Variants in KIRREL1 observed in about 807,000 individuals in gnomAD.
KIRREL1 encodes the protein kin of IRRE-like protein 1.
KIRREL1 carries 25 observed loss-of-function variants against 83.3 expected under a neutral mutation model. That is an observed-to-expected ratio of 0.30 (90% CI 0.22 to 0.42). The LOEUF (loss-of-function observed/expected upper bound fraction) is 0.42, where lower values mean the gene tolerates loss of function less well. KIRREL1 is among the 10% of genes least tolerant of loss of function. The pLI, the probability that KIRREL1 is intolerant of heterozygous loss-of-function variation, is 1.00. For missense variants in KIRREL1, 812 were observed against 1,032.3 expected, an observed-to-expected ratio of 0.79 and a Z score of 2.92; for synonymous variants, 388 against 410.4, an observed-to-expected ratio of 0.95 and a Z score of 0.66.
At chr1:158,086,570 T>C (rs934171234) in intron 4 of KIRREL1, 26 bp from the exon 5 acceptor site, 26 of 1,549,722 alleles carry the variant, frequency 1.7e-5, no homozygotes, top group Non-Finnish European at 2.3e-5. Context: ...AGCTTAACCA[T>C]ATCTCCCACC....
rs527461806 is a variant in KIRREL1, at chr1:158,086,504, C to G, written c.511-92C>G. 925 of 1,333,106 alleles carry G rather than the reference C, an allele frequency of 6.9e-4. 1 individual carries two copies. The highest frequency in any genetic ancestry group is 8.8e-4 in the Non-Finnish European group (856 of 970,458). The allele number at this position is 1,333,106 out of a possible 1,614,324, so 82.6% of individuals were successfully genotyped here. ...TTGAGCTTTAAGTTAAAGTACCCCT[C>G]CAGCCCAAGCCCATCTCTGAGTGAG... On this transcript the variant is annotated intron_variant, in intron 4 of 14. Transcript: ENST00000359209.
intron 3 of KIRREL1, among the ~76,000 whole-genome samples, chr1:158,080,056 C>G (rs10908616): frequency 0.46 from 69,186 of 151,826 alleles, 16,395 homozygotes; most frequent in East Asian, 0.73. Flanking sequence ...AAAAATTAGA[C>G]GGTGATCTTG....
chr1:158,091,409 A>G lies in KIRREL1; in HGVS notation c.1324A>G (p.Thr442Ala). 1 of 1,614,206 alleles carries G rather than the reference A, an allele frequency of 6.2e-7. No individual in the cohort carries two copies. Among genetic ancestry groups the G allele is most frequent in the Non-Finnish European group, 8.5e-7 (1 of 1,180,048 alleles). ...GGAGGTGGGGACCCTGGAACGCTAT[A>G]CAGTGGAGAGGACCAACTCAGGCAG... ...FLEVGTLERY[T>A]VERTNSGSGV... The change falls in exon 11 of 15, where the codon ACA (threonine) becomes GCA (alanine). Residue 442 changes from threonine to alanine, a missense_variant. Thr to Ala is a moderately conservative substitution (Grantham distance 58). Around this residue, in one of 3 missense-constraint regions of KIRREL1, gnomAD observed 472 missense variants for 626.8 expected, o/e 0.75. Coordinates refer to ENST00000359209, the MANE Select transcript of KIRREL1 (RefSeq NM_018240.7).
chr1:158,030,311 C>G (rs976193829), intron 1 of KIRREL1, among the ~76,000 whole-genome samples: 1 of 152,230 alleles, frequency 6.6e-6, no homozygotes, highest in East Asian at 1.9e-4. Flanking sequence ...TTCTCACCCT[C>G]ACATACACAT....
chr1:158,024,364 C>T (rs533421398), intron 1 of KIRREL1, among the ~76,000 whole-genome samples: 20 of 150,800 alleles, frequency 1.3e-4, no homozygotes, highest in African/African-American at 4.4e-4. Context: ...CTGCAACCTC[C>T]ACCTCCTGGG....
At chr1:158,027,283 G>A (rs1386470403) in intron 1 of KIRREL1, among the ~76,000 whole-genome samples, 1 of 152,210 alleles carries the variant, frequency 6.6e-6, no homozygotes, top group Non-Finnish European at 1.5e-5. Context: ...AGCAAGGCAC[G>A]TGGGAAGGAA....
In KIRREL1 at chr1:158,029,446, T is replaced by A. The variant is rs563142064; in HGVS notation, c.52+35718T>A. On this transcript the variant is annotated intron_variant, in intron 1 of 14. Transcript: ENST00000359209. ...AATGCACATAAAATATGTATAATTT[T>A]AAAATATTATTCTTCAGGCTGCCAA... is the stretch of plus-strand genomic sequence containing the variant. 1.2e-4 allele frequency among the ~76,000 whole-genome samples: 19 copies of A among 152,158 alleles called. 1 individual carries two copies. Among genetic ancestry groups the A allele is most frequent in the Non-Finnish European group, 5.9e-5 (4 of 67,988 alleles).
At chr1:158,031,805 C>T (rs1557996165) in intron 1 of KIRREL1, among the ~76,000 whole-genome samples, 2 of 152,144 alleles carry the variant, frequency 1.3e-5, no homozygotes, top group African/African-American at 2.4e-5. Flanking sequence ...ACAGATGAAG[C>T]CAGTGCAATG....
intron 11 of KIRREL1, among the ~76,000 whole-genome samples, chr1:158,092,505 G>A (rs190537982): frequency 5.3e-5 from 8 of 151,950 alleles, no homozygotes; most frequent in South Asian, 2.1e-4. Context: ...CCGCCACTAC[G>A]CCCGGCTAAT....
intron 1 of KIRREL1, among the ~76,000 whole-genome samples, chr1:158,036,979 T>G (rs1377007331): frequency 7.2e-5 from 11 of 152,322 alleles, no homozygotes. Flanking sequence ...TGGACTTCGA[T>G]GGAGCCTGAG....
At chr1:158,092,390 C>G (rs1277248334) in intron 11 of KIRREL1, among the ~76,000 whole-genome samples, 3 of 145,630 alleles carry the variant, frequency 2.1e-5, no homozygotes, top group Non-Finnish European at 4.5e-5. Flanking sequence ...CTCTGTCGCC[C>G]AGGCTGGAGT....
chr1:158,071,338 C>T (rs1036019714), intron 1 of KIRREL1, among the ~76,000 whole-genome samples: 3 of 152,136 alleles, frequency 2.0e-5, no homozygotes, highest in African/African-American at 7.2e-5. Context: ...TGTCAGCCTT[C>T]TGGGTACGTG....
chr1:157,994,390 G>T (rs918119879), intron 1 of KIRREL1, among the ~76,000 whole-genome samples: 15 of 151,322 alleles, frequency 9.9e-5, no homozygotes, highest in Non-Finnish European at 1.6e-4. Flanking sequence ...GATACAGAGG[G>T]GGGGAACTCA....
intron 1 of KIRREL1, among the ~76,000 whole-genome samples, chr1:158,044,751 A>T (rs556471160): frequency 2.0e-4 from 30 of 152,156 alleles, no homozygotes; most frequent in Non-Finnish European, 4.0e-4. Flanking sequence ...CGCTCATCCC[A>T]AAGTGCCAGG....
Position 158,098,523 on chromosome 1 carries a change from C to A in KIRREL1, c.*3403C>A, listed in dbSNP as rs1330683771. On this transcript the variant is annotated 3_prime_UTR_variant, in exon 15 of 15. Coordinates refer to ENST00000359209, the MANE Select transcript of KIRREL1 (RefSeq NM_018240.7). Reference sequence around the variant, plus strand: ...AGAAGGAGCAGCTTGCAAGGGGAGCCGGTGGAGGGAAAGGGGTACAACAGC... The same window carrying A: ...AGAAGGAGCAGCTTGCAAGGGGAGCAGGTGGAGGGAAAGGGGTACAACAGC... 6.6e-6 allele frequency: 1 copy of A among 152,186 alleles called. No individual in the cohort carries two copies. Among genetic ancestry groups the A allele is most frequent in the Non-Finnish European group, 1.5e-5 (1 of 68,052 alleles). The allele number at this position is 152,186 out of a possible 1,614,324, so 9.4% of individuals were successfully genotyped here. A position where few individuals can be genotyped will look rare whatever the true frequency, so the allele number is the denominator to read the frequency against.
chr1:158,017,614 C>A (rs113496117), intron 1 of KIRREL1, among the ~76,000 whole-genome samples: 21,216 of 151,952 alleles, frequency 0.14, 1,889 homozygotes, highest in African/African-American at 0.24. Flanking sequence ...ATCGCTTGAA[C>A]CCAGGAGGAG....
intron 1 of KIRREL1, among the ~76,000 whole-genome samples, chr1:158,051,252 C>G (rs1660904021): frequency 6.6e-6 from 1 of 152,130 alleles, no homozygotes; most frequent in Non-Finnish European, 1.5e-5. Flanking sequence ...TATGCTGTTC[C>G]CTGGAAGATC....
Position 158,099,396 on chromosome 1 carries a change from G to A in KIRREL1, c.*4276G>A, listed in dbSNP as rs775748534. The stretch of plus-strand genomic sequence containing the variant: ...TTTCTCCTCCTCTCCTCAAGGCCAG[G>A]CTTTTTGTGAAAGGCATTGGCTCAT... On this transcript the variant is annotated 3_prime_UTR_variant, in exon 15 of 15. Transcript: ENST00000359209. 6.6e-6 allele frequency: 1 copy of A among 152,190 alleles called. No homozygotes were observed. Among genetic ancestry groups the A allele is most frequent in the African/African-American group, 2.4e-5 (1 of 41,412 alleles). The allele number at this position is 152,190 out of a possible 1,614,324, so 9.4% of individuals were successfully genotyped here. A position where few individuals can be genotyped will look rare whatever the true frequency, so the allele number is the denominator to read the frequency against.
chr1:158,089,513 C>T lies in KIRREL1; in HGVS notation c.1056C>T (p.Asn352=), dbSNP rs748573118. The T allele has an allele frequency of 7.7e-5, 125 of 1,614,094 alleles. No individual in the cohort carries two copies. The highest frequency in any genetic ancestry group is 1.0e-4 in the Non-Finnish European group (121 of 1,180,058). ...TKKDSNMVLS[N]SNQLLLKSVT... is the part of the protein sequence containing the mutation. ...CTCTCTCTGCCCAGGTCCTGAGTAA[C>T]AGCAACCAGCTGCTGCTGAAGTCGG... Residue 352 remains asparagine, a synonymous_variant, in exon 9 of 15, where the codon AAC becomes AAT. Transcript: ENST00000359209.
Sources: allele counts gnomAD v4.1 joint callset (sites outside exome capture counted in the v4.1 genomes callset), GRCh38; gene constraint gnomAD v4.1.1; regional missense constraint gnomAD v4.1.1; transcripts MANE v1.5; gene names NCBI Gene and HGNC (gene_info 2026-07-23, HGNC 2026-07-21).